TTBK2: variants seen among roughly 807,000 people sequenced by gnomAD.
The protein encoded by TTBK2 is tau tubulin kinase 2, also known as tau-tubulin kinase 2.
Under a neutral mutation model 110.8 loss-of-function variants are expected in TTBK2, and 28 were observed. The ratio of observed to expected loss-of-function variants is 0.25; its 90% confidence interval spans 0.19 to 0.35. The LOEUF (loss-of-function observed/expected upper bound fraction) is 0.35. TTBK2 is among the 10% of genes least tolerant of loss of function. The pLI, the probability that TTBK2 is intolerant of heterozygous loss-of-function variation, is 1.00. For missense variants in TTBK2, 1,369 were observed against 1,500.3 expected, an observed-to-expected ratio of 0.91 and a Z score of 1.45; for synonymous variants, 532 against 527.3, an observed-to-expected ratio of 1.01 and a Z score of -0.12.
At chr15:42,760,091 A>G (rs910366336) in intron 13 of TTBK2, among the ~76,000 whole-genome samples, 3 of 152,222 alleles carry the variant, frequency 2.0e-5, no homozygotes, top group African/African-American at 7.2e-5. Flanking sequence ...TCTTAGCACT[A>G]AAGAATTAAA....
intron 13 of TTBK2, among the ~76,000 whole-genome samples, chr15:42,764,762 C>A (rs1244862697): frequency 1.3e-5 from 2 of 152,236 alleles, no homozygotes; most frequent in South Asian, 2.1e-4. Flanking sequence ...AGTGCTTCTC[C>A]CAGCATGGAG....
At chr15:42,847,181 A>C (rs1893503791) in intron 3 of TTBK2, among the ~76,000 whole-genome samples, 1 of 152,138 alleles carries the variant, frequency 6.6e-6, no homozygotes, top group Non-Finnish European at 1.5e-5. Context: ...GCATTCTCCT[A>C]ATGTTTAGTC....
At chr15:42,823,234 C>T (rs1458242188) in intron 6 of TTBK2, among the ~76,000 whole-genome samples, 1 of 152,136 alleles carries the variant, frequency 6.6e-6, no homozygotes, top group Non-Finnish European at 1.5e-5. Context: ...GAGATGCCAG[C>T]TGAAGGGCTG....
At chr15:42,756,264 G>A (rs1054982051) in intron 13 of TTBK2, among the ~76,000 whole-genome samples, 1 of 151,974 alleles carries the variant, frequency 6.6e-6, no homozygotes, top group Admixed American at 6.6e-5. Context: ...AAGTACATTC[G>A]TCAAAATGAA....
rs137990288 is a variant in TTBK2 at position 42,744,889 on chromosome 15, C to T, written c.*906G>A. Reference sequence around the variant, plus strand: ...AACCCAGAAGACTTAAGGAAGCAGTCTACTCTGGTCAGTTTTCCTTCTACT... The same window carrying T: ...AACCCAGAAGACTTAAGGAAGCAGTTTACTCTGGTCAGTTTTCCTTCTACT... On this transcript the variant is annotated 3_prime_UTR_variant, in exon 15 of 15. Transcript: ENST00000267890. 6.5e-6 allele frequency: 1 copy of T among 153,818 alleles called. No individual in the cohort carries two copies. The highest frequency in any genetic ancestry group is 2.4e-5 in the African/African-American group (1 of 41,570). The allele number at this position is 153,818 out of a possible 1,614,324, so 9.5% of individuals were successfully genotyped here.
At chr15:42,908,658 C>G (rs1386686661) in intron 1 of TTBK2, among the ~76,000 whole-genome samples, 1 of 152,096 alleles carries the variant, frequency 6.6e-6, no homozygotes, top group African/African-American at 2.4e-5. Context: ...GCTTGCTAAT[C>G]GTCCAGTGTA....
intron 3 of TTBK2, among the ~76,000 whole-genome samples, chr15:42,862,100 T>C (rs1403045296): frequency 6.6e-6 from 1 of 151,798 alleles, no homozygotes; most frequent in Non-Finnish European, 1.5e-5. Flanking sequence ...ATAAAAAACC[T>C]ACCAACCAAA....
rs1410285927 is a variant in TTBK2, at chr15:42,775,140, T to C, written c.1993A>G (p.Thr665Ala). The change falls in exon 13 of 15, where the codon ACA becomes GCA. Residue 665 changes from threonine to alanine, a missense_variant. By Grantham distance (58) the Thr-to-Ala change is moderately conservative. This residue lies in a region of TTBK2 where 1,097 missense variants were observed against 1,114.7 expected (regional missense o/e 0.98). Transcript: ENST00000267890. ...LMEAQAEGPLTAITIPRPSVA... is the reference protein window; with the variant it reads ...LMEAQAEGPLAAITIPRPSVA... Reference sequence around the variant, plus strand: ...AATAAAAACAAATTTCTTACCGCTGTAAGGGGTCCTTCTGCCTGCGCCTCC... The same window carrying C: ...AATAAAAACAAATTTCTTACCGCTGCAAGGGGTCCTTCTGCCTGCGCCTCC... 1.5e-5 allele frequency: 24 copies of C among 1,613,358 alleles called. No individual in the cohort carries two copies. Among genetic ancestry groups the C allele is most frequent in the Non-Finnish European group, 2.0e-5 (24 of 1,179,980 alleles).
intron 2 of TTBK2, among the ~76,000 whole-genome samples, chr15:42,873,956 A>G (rs1307399117): frequency 2.6e-5 from 4 of 152,148 alleles, no homozygotes; most frequent in African/African-American, 9.7e-5. Context: ...ACTGATTACT[A>G]TATCTAGGTT....
intron 4 of TTBK2, among the ~76,000 whole-genome samples, chr15:42,834,562 C>A (rs557029445): frequency 1.3e-5 from 2 of 152,170 alleles, no homozygotes; most frequent in East Asian, 3.9e-4. Context: ...CTAGTCCTAA[C>A]AAAATGAATC....
At chr15:42,760,398 A>C (rs28864993) in intron 13 of TTBK2, among the ~76,000 whole-genome samples, 2,853 of 151,320 alleles carry the variant, frequency 0.019, 45 homozygotes, top group Middle Eastern at 0.031. Flanking sequence ...AAAAAAAAAA[A>C]AAAAACAAAA....
rs565267091 is a variant in TTBK2, at chr15:42,865,740, T to C, written c.217+6871A>G. Among the ~76,000 whole-genome samples, 11 of 152,194 alleles carry C rather than the reference T, an allele frequency of 7.2e-5. No homozygotes were observed. In the South Asian group the frequency reaches 2.3e-3, roughly 32 times the overall value. ...CAGGAAGCCAAAGCAAGAGGATCAC[T>C]TGAGCCCAGGAGTTCAAAGCTGCAG... On this transcript the variant is annotated intron_variant, in intron 3 of 14. Coordinates refer to ENST00000267890, the MANE Select transcript of TTBK2 (RefSeq NM_173500.4).
intron 13 of TTBK2, among the ~76,000 whole-genome samples, chr15:42,765,642 T>C (rs1057388737): frequency 5.9e-5 from 9 of 152,194 alleles, no homozygotes; most frequent in African/African-American, 1.9e-4. Context: ...CTACATTTGA[T>C]TGGTGTACCT....
chr15:42,897,075 C>T (rs1366642045), intron 1 of TTBK2, among the ~76,000 whole-genome samples: 1 of 151,954 alleles, frequency 6.6e-6, no homozygotes, highest in Non-Finnish European at 1.5e-5. Flanking sequence ...GATAGAGTTT[C>T]GCCATGTTGG....
rs1889869182 is a variant in TTBK2 at position 42,775,459 on chromosome 15, C to T, written c.1674G>A (p.Glu558=). The part of the protein sequence containing the change: ...DSKEWVIVDK[E]QDLQDFRTNE... ...TTGTCCTAAAATCCTGAAGGTCCTG[C>T]TCCTTGTCCACAATCACCCATTCTT... Residue 558 remains glutamate, a synonymous_variant, in exon 13 of 15, where the codon GAG becomes GAA. Transcript: ENST00000267890. 6.2e-7 allele frequency: 1 copy of T among 1,614,214 alleles called. No individual in the cohort carries two copies. Among genetic ancestry groups the T allele is most frequent in the Non-Finnish European group, 8.5e-7 (1 of 1,180,040 alleles).
chr15:42,771,485 T>C lies in TTBK2; in HGVS notation c.1998+3650A>G, dbSNP rs150760728. Among the ~76,000 whole-genome samples, 526 of 152,296 alleles carry C rather than the reference T, an allele frequency of 3.5e-3. 2 individuals are homozygous for C. The highest frequency in any genetic ancestry group is 0.012 in the African/African-American group (501 of 41,562). On this transcript the variant is annotated intron_variant, in intron 13 of 14. Coordinates refer to ENST00000267890, the MANE Select transcript of TTBK2 (RefSeq NM_173500.4). Reference sequence around the variant, plus strand: ...TTTCATTGCCAACCTGACAGGTTGGTGCCAACTTGTTATCCCTGAAGTATA... The same window carrying C: ...TTTCATTGCCAACCTGACAGGTTGGCGCCAACTTGTTATCCCTGAAGTATA...
At chr15:42,893,996 G>T (rs1895571610) in intron 1 of TTBK2, among the ~76,000 whole-genome samples, 1 of 152,102 alleles carries the variant, frequency 6.6e-6, no homozygotes, top group South Asian at 2.1e-4. Flanking sequence ...TCATCTTGTA[G>T]TTCCCATAAT....
chr15:42,857,814 G>T (rs1894004221), intron 3 of TTBK2, among the ~76,000 whole-genome samples: 1 of 151,832 alleles, frequency 6.6e-6, no homozygotes, highest in African/African-American at 2.4e-5. Context: ...CAGGCTCTGT[G>T]GCTCACATCT....
At chr15:42,888,967 C>T (rs1203753026) in intron 1 of TTBK2, among the ~76,000 whole-genome samples, 1 of 152,182 alleles carries the variant, frequency 6.6e-6, no homozygotes, top group Non-Finnish European at 1.5e-5. Context: ...TCACACAAGA[C>T]AAATGGTCCT....
Sources: allele counts gnomAD v4.1 joint callset (sites outside exome capture counted in the v4.1 genomes callset), GRCh38; gene constraint gnomAD v4.1.1; regional missense constraint gnomAD v4.1.1; transcripts MANE v1.5; gene names NCBI Gene and HGNC (gene_info 2026-07-23, HGNC 2026-07-21).